Variants in CCDC82 observed in about 807,000 individuals in gnomAD.
The protein encoded by CCDC82 is coiled-coil domain-containing protein 82.
Under a neutral mutation model 60.6 loss-of-function variants are expected in CCDC82, and 47 were observed. That is an observed-to-expected ratio of 0.77 (90% CI 0.61 to 0.99). The LOEUF (loss-of-function observed/expected upper bound fraction) is 0.99. CCDC82 is among the 50% of genes least tolerant of loss of function. The pLI, the probability that CCDC82 is intolerant of heterozygous loss-of-function variation, is 0.00. For missense variants in CCDC82, 588 were observed against 633.0 expected (o/e 0.93, Z 0.76); for synonymous variants, 212 against 207.4 (o/e 1.02, Z -0.19).
At chr11:96,382,346 A>G (rs1051705601) in intron 5 of CCDC82, 1 of 151,898 alleles carries the variant, frequency 6.6e-6, no homozygotes, top group Non-Finnish European at 1.5e-5. Flanking sequence ...GTTTTAAAGC[A>G]GAAATTAGAA....
At chr11:96,382,444 GAATAT>G (rs1257685223) in intron 5 of CCDC82, 2 of 151,724 alleles carry the variant, frequency 1.3e-5, no homozygotes, top group Admixed American at 1.3e-4. Context: ...TGATATTAAT[GAATAT>G]AATTAAAAAT....
chr11:96,359,223 C>T, intron 8 of CCDC82, 45 bp from the exon 9 acceptor site: 1 of 1,455,600 alleles, frequency 6.9e-7, no homozygotes, highest in Non-Finnish European at 9.1e-7. Flanking sequence ...GAATATATAT[C>T]CTTTCTGGTT....
rs951933570 is a variant in CCDC82 at position 96,362,949 on chromosome 11, C to T, written c.1380+2031G>A. ...ACTTGAAGATGGGTGTGGGGTTAAG[C>T]ACAATTTCTTTTTCTTTTCTTTTTT... On this transcript the variant is annotated intron_variant, in intron 8 of 9. Transcript: ENST00000646818. 7.6e-4 allele frequency among the ~76,000 whole-genome samples: 116 copies of T among 151,666 alleles called. 6 individuals carry two copies. Among genetic ancestry groups the T allele is most frequent in the Non-Finnish European group, 7.4e-5 (5 of 67,942 alleles).
intron 1 of CCDC82, chr11:96,388,422 C>G (rs1309827116): frequency 6.6e-6 from 1 of 152,122 alleles, no homozygotes; most frequent in Non-Finnish European, 1.5e-5. Flanking sequence ...AAACAGAAAG[C>G]ATTAAATAAG....
intron 7 of CCDC82, among the ~76,000 whole-genome samples, chr11:96,366,055 ATTAC>A (rs1288077333): frequency 6.6e-6 from 1 of 152,188 alleles, no homozygotes; most frequent in Non-Finnish European, 1.5e-5. Flanking sequence ...TATGACATGT[ATTAC>A]TTACAGGCTG....
At position 96,373,315 on chromosome 11, in the gene CCDC82, T is replaced by C. The variant is rs527528157; in HGVS notation, c.1084+60A>G. 308 of 1,045,164 alleles carry C rather than the reference T, an allele frequency of 2.9e-4. 2 individuals carry two copies. In the South Asian group the frequency reaches 4.2e-3, roughly 14 times the overall value. The allele number at this position is 1,045,164 out of a possible 1,614,324, so 64.7% of individuals were successfully genotyped here. A position where few individuals can be genotyped will look rare whatever the true frequency, so the allele number is the denominator to read the frequency against. Reference sequence around the variant, plus strand: ...AATCTACATAGTTTTAAAAGTGAGGTTGTTTTAAAATTGGAAAAAGAAATA... The same window carrying C: ...AATCTACATAGTTTTAAAAGTGAGGCTGTTTTAAAATTGGAAAAAGAAATA... On this transcript the variant is annotated intron_variant, in intron 6 of 9. Transcript: ENST00000646818.
intron 6 of CCDC82, among the ~76,000 whole-genome samples, chr11:96,372,650 A>C: frequency 7.0e-6 from 1 of 143,122 alleles, no homozygotes; most frequent in East Asian, 2.0e-4. Context: ...AAATATATAT[A>C]TAAATATAAA....
Position 96,353,000 on chromosome 11 carries a change from T to C in CCDC82, c.*646A>G, listed in dbSNP as rs1864160432. On this transcript the variant is annotated 3_prime_UTR_variant, in exon 10 of 10. Coordinates refer to ENST00000646818, the MANE Select transcript of CCDC82 (RefSeq NM_024725.4). ...AATTGAATAGAAAAAAGTAAGAACA[T>C]TATAAAGCATGAAAATTTACATAAA... is the stretch of plus-strand genomic sequence containing the variant. 6.6e-6 allele frequency: 1 copy of C among 152,114 alleles called. No homozygotes were observed. Among genetic ancestry groups the C allele is most frequent in the Non-Finnish European group, 1.5e-5 (1 of 68,008 alleles). The allele number at this position is 152,114 out of a possible 1,614,324, so 9.4% of individuals were successfully genotyped here.
chr11:96,353,013 A>C lies in CCDC82; in HGVS notation c.*633T>G, dbSNP rs2136035278. 1 of 152,338 alleles carries C rather than the reference A, an allele frequency of 6.6e-6. No homozygotes were observed. Among genetic ancestry groups the C allele is most frequent in the East Asian group, 1.9e-4 (1 of 5,194 alleles). 9.4% of individuals were successfully genotyped at this position (152,338 alleles called of 1,614,324 possible). A position where few individuals can be genotyped will look rare whatever the true frequency, so the allele number is the denominator to read the frequency against. On this transcript the variant is annotated 3_prime_UTR_variant, in exon 10 of 10. Coordinates refer to ENST00000646818, the MANE Select transcript of CCDC82 (RefSeq NM_024725.4). ...AAAGTAAGAACATTATAAAGCATGA[A>C]AATTTACATAAAATTATTCCTGAAT...
At chr11:96,360,472 G>A (rs1297704442) in intron 8 of CCDC82, among the ~76,000 whole-genome samples, 3 of 151,844 alleles carry the variant, frequency 2.0e-5, no homozygotes, top group Non-Finnish European at 4.4e-5. Context: ...TGGGATTATA[G>A]GTGTGAGCCA....
intron 5 of CCDC82, among the ~76,000 whole-genome samples, chr11:96,379,752 C>G (rs546131687): frequency 2.0e-5 from 3 of 151,688 alleles, no homozygotes; most frequent in Non-Finnish European, 4.4e-5. Context: ...TCCTATTGAG[C>G]CTGAGATGTC....
At chr11:96,369,893 T>C (rs1374746279) in intron 7 of CCDC82, among the ~76,000 whole-genome samples, 3 of 152,366 alleles carry the variant, frequency 2.0e-5, no homozygotes, top group Admixed American at 1.3e-4. Context: ...ACAGTATTTA[T>C]GCCATGTTCT....
intron 8 of CCDC82, 131 bp downstream of exon 8, chr11:96,364,849 G>A: frequency 1.4e-6 from 1 of 692,932 alleles, no homozygotes; most frequent in African/African-American, 1.8e-5. Flanking sequence ...TTTACTTGTG[G>A]GTTGCCAATT....
At chr11:96,382,940 TGTTA>T (rs1865955805) in intron 5 of CCDC82, 1 of 194,984 alleles carries the variant, frequency 5.1e-6, no homozygotes, top group East Asian at 1.2e-4. Context: ...TTCATAAAAT[TGTTA>T]TTTACATTAA....
At chr11:96,355,644 C>A (rs1864305780) in intron 9 of CCDC82, 1 of 152,062 alleles carries the variant, frequency 6.6e-6, no homozygotes, top group Admixed American at 6.6e-5. Context: ...ATACTTTTAA[C>A]CAGTTTAGAG....
chr11:96,364,377 G>A (rs1325511884), intron 8 of CCDC82: 2 of 151,950 alleles, frequency 1.3e-5, no homozygotes, highest in South Asian at 2.1e-4. Context: ...ACTACTGCTC[G>A]ATAATACTGA....
intron 7 of CCDC82, among the ~76,000 whole-genome samples, chr11:96,367,423 C>G (rs1865005884): frequency 6.6e-6 from 1 of 152,214 alleles, no homozygotes; most frequent in Non-Finnish European, 1.5e-5. Flanking sequence ...TAGTATCTTT[C>G]CTTTCCTAGG....
chr11:96,379,882 G>A (rs1013975018), intron 5 of CCDC82, among the ~76,000 whole-genome samples: 1 of 151,766 alleles, frequency 6.6e-6, no homozygotes, highest in Admixed American at 6.6e-5. Context: ...TGAAGTAATG[G>A]GAAAGAGACT....
At chr11:96,382,644 A>G (rs1293578709) in intron 5 of CCDC82, 1 of 151,890 alleles carries the variant, frequency 6.6e-6, no homozygotes, top group Non-Finnish European at 1.5e-5. Flanking sequence ...TTTGAATTCC[A>G]TATTATCTTT....
Sources: allele counts gnomAD v4.1 joint callset (sites outside exome capture counted in the v4.1 genomes callset), GRCh38; gene constraint gnomAD v4.1.1; transcripts MANE v1.5; gene names NCBI Gene and HGNC (gene_info 2026-07-23, HGNC 2026-07-21).